The following NRXN1 variants were observed in gnomAD, a reference collection of about 807,000 sequenced individuals.
NRXN1 encodes neurexin-1.
A neutral mutation model predicts 150.9 loss-of-function variants in NRXN1; 39 were observed. The observed-to-expected ratio is 0.26, with a 90% confidence interval of 0.20 to 0.34. The LOEUF (loss-of-function observed/expected upper bound fraction) is 0.34, where lower values mean the gene tolerates loss of function less well. Among genes scored for constraint, NRXN1 ranks in the 10% least tolerant of loss-of-function variants. The pLI, the probability that NRXN1 is intolerant of heterozygous loss-of-function variation, is 1.00. For synonymous variants in NRXN1, 924 were observed against 757.0 expected (o/e 1.22, Z -3.62); for missense variants, 1,815 against 1,949.9 (o/e 0.93, Z 1.30).
At chr2:50,027,589 A>T (rs1014087866) in intron 21 of NRXN1, among the ~76,000 whole-genome samples, 21 of 152,080 alleles carry the variant, frequency 1.4e-4, no homozygotes, top group African/African-American at 5.1e-4. Context: ...CTACAGGTGC[A>T]TGCCACCATG....
chr2:50,841,986 C>T (rs989466357), intron 5 of NRXN1, among the ~76,000 whole-genome samples: 1 of 152,108 alleles, frequency 6.6e-6, no homozygotes, highest in African/African-American at 2.4e-5. Context: ...AAATTATATG[C>T]AAAGTGTCTT....
chr2:50,577,709 A>AACACAC (rs145366518), intron 8 of NRXN1, among the ~76,000 whole-genome samples: 124 of 147,302 alleles, frequency 8.4e-4, no homozygotes, highest in African/African-American at 2.4e-3. Flanking sequence ...ACCTGACTGA[A>AACACAC]ACACACACAC....
chr2:50,631,398 G>T, intron 5 of NRXN1: 1 of 226,622 alleles, frequency 4.4e-6, no homozygotes, highest in East Asian at 1.7e-4. Flanking sequence ...GTTAGACTTA[G>T]ACATTATTTA....
intron 18 of NRXN1, among the ~76,000 whole-genome samples, chr2:50,100,413 A>G (rs1221599668): frequency 5.3e-5 from 8 of 152,122 alleles, no homozygotes; most frequent in Non-Finnish European, 1.2e-4. Context: ...GATGAAATTA[A>G]ATAAAAAATC....
intron 2 of NRXN1, among the ~76,000 whole-genome samples, chr2:51,025,189 A>AT (rs1475084356): frequency 1.3e-5 from 2 of 152,018 alleles, no homozygotes; most frequent in African/African-American, 2.4e-5. Context: ...TTTGCACTCC[A>AT]TTTTCAGTTC....
At chr2:51,011,023 T>C (rs758224115) in intron 2 of NRXN1, among the ~76,000 whole-genome samples, 1 of 151,936 alleles carries the variant, frequency 6.6e-6, no homozygotes, top group Non-Finnish European at 1.5e-5. Context: ...ATTCTCTCAC[T>C]TCAGCCTCCC....
At chr2:50,840,529 C>T (rs1672720455) in intron 5 of NRXN1, among the ~76,000 whole-genome samples, 2 of 152,080 alleles carry the variant, frequency 1.3e-5, no homozygotes, top group African/African-American at 4.8e-5. Flanking sequence ...CAAGGAAAAA[C>T]ACGTCTCGGC....
At chr2:50,974,557 G>C (rs540891255) in intron 2 of NRXN1, among the ~76,000 whole-genome samples, 32 of 152,166 alleles carry the variant, frequency 2.1e-4, no homozygotes, top group Admixed American at 6.6e-4. Flanking sequence ...TAAACAGTCA[G>C]ATTTTTAGTC....
chr2:50,500,792 G>C (rs2091901497), intron 13 of NRXN1, among the ~76,000 whole-genome samples: 2 of 152,178 alleles, frequency 1.3e-5, no homozygotes, highest in African/African-American at 4.8e-5. Flanking sequence ...TAGATAGCAA[G>C]GTTAATATGT....
chr2:49,951,387 T>C lies in NRXN1; in HGVS notation c.4129-7596A>G, dbSNP rs542326120. Among the ~76,000 whole-genome samples the C allele has an allele frequency of 2.0e-5, 3 of 152,126 alleles. No homozygotes were observed. In the East Asian group the frequency reaches 5.8e-4, roughly 29 times the overall value. On this transcript the variant is annotated intron_variant, in intron 21 of 22. Transcript: ENST00000401669. ...GCTACTGATGACCTCTATGCTCATA[T>C]TGCATTTCCATTTTTAGCCAAGGCA...
chr2:50,773,056 C>G (rs2105461586), intron 5 of NRXN1, among the ~76,000 whole-genome samples: 1 of 152,246 alleles, frequency 6.6e-6, no homozygotes, highest in Middle Eastern at 3.4e-3. Flanking sequence ...ACTATTAGAT[C>G]CCAGTAACAA....
intron 5 of NRXN1, among the ~76,000 whole-genome samples, chr2:50,627,602 T>G (rs151333011): frequency 1.7e-5 from 2 of 117,588 alleles, no homozygotes; most frequent in East Asian, 5.5e-4. Context: ...TATGAAAGCT[T>G]TTGTCAGACA....
intron 17 of NRXN1, among the ~76,000 whole-genome samples, chr2:50,265,390 T>C (rs1327623256): frequency 1.3e-5 from 2 of 152,106 alleles, no homozygotes; most frequent in East Asian, 1.9e-4. Flanking sequence ...ACATATATTA[T>C]AGGTGCACCA....
chr2:50,209,729 A>G (rs577706155), intron 18 of NRXN1, among the ~76,000 whole-genome samples: 88 of 152,186 alleles, frequency 5.8e-4, no homozygotes, highest in African/African-American at 1.9e-3. Context: ...CATTTAACAG[A>G]TATCTGATTT....
intron 19 of NRXN1, among the ~76,000 whole-genome samples, chr2:50,056,475 G>A (rs1693643686): frequency 1.3e-5 from 2 of 151,980 alleles, no homozygotes; most frequent in South Asian, 4.1e-4. Flanking sequence ...AAAGTTTAAT[G>A]AAAACATTAA....
intron 5 of NRXN1, among the ~76,000 whole-genome samples, chr2:50,867,107 T>A (rs1040723377): frequency 2.0e-5 from 3 of 151,974 alleles, no homozygotes; most frequent in Admixed American, 2.0e-4. Flanking sequence ...CATGTTGAAC[T>A]TTCTTAGGAC....
At chr2:50,737,947 A>T (rs987139223) in intron 5 of NRXN1, among the ~76,000 whole-genome samples, 5 of 152,134 alleles carry the variant, frequency 3.3e-5, no homozygotes, top group Non-Finnish European at 5.9e-5. Context: ...ACACTAAGGA[A>T]TATCAACCAA....
intron 2 of NRXN1, among the ~76,000 whole-genome samples, chr2:50,977,667 T>C (rs1696081782): frequency 6.6e-6 from 1 of 151,910 alleles, no homozygotes; most frequent in Non-Finnish European, 1.5e-5. Context: ...TGACCTATTT[T>C]CTAGACTCTA....
chr2:50,448,610 ACT>A (rs1491222111), intron 17 of NRXN1, among the ~76,000 whole-genome samples: 2 of 152,182 alleles, frequency 1.3e-5, no homozygotes, highest in Non-Finnish European at 2.9e-5. Context: ...ATTTTATGAC[ACT>A]TTTTACTAAA....
Sources: allele counts gnomAD v4.1 joint callset (sites outside exome capture counted in the v4.1 genomes callset), GRCh38; gene constraint gnomAD v4.1.1; transcripts MANE v1.5; gene names NCBI Gene and HGNC (gene_info 2026-07-23, HGNC 2026-07-21).